The following NPNT variants were observed in gnomAD, a reference collection of about 807,000 sequenced individuals.
The protein encoded by NPNT is preosteoblast EGF-like repeat protein with MAM domain.
A neutral mutation model predicts 68.6 loss-of-function variants in NPNT; 45 were observed. The observed-to-expected ratio is 0.66, with a 90% CI of 0.52 to 0.84. NPNT has a LOEUF of 0.84. Among genes scored for constraint, NPNT ranks in the 40% least tolerant of loss-of-function variants. The pLI is 0.00. For synonymous variants in NPNT, 233 were observed against 253.3 expected (o/e 0.92, Z 0.76); for missense variants, 672 against 714.8 (o/e 0.94, Z 0.68).
chr4:105,938,198 T>C (rs915848578), intron 4 of NPNT, 103 bp from the exon 5 acceptor site: 1 of 1,095,832 alleles, frequency 9.1e-7, no homozygotes, highest in Non-Finnish European at 1.3e-6. Context: ...GTCTTCATTG[T>C]TGTTCAGTGT....
intron 10 of NPNT, among the ~76,000 whole-genome samples, chr4:105,963,650 A>C (rs1050877859): frequency 6.6e-6 from 1 of 151,748 alleles, no homozygotes; most frequent in African/African-American, 2.4e-5. Context: ...GCTAGAACTA[A>C]GGCCCTTTTC....
intron 3 of NPNT, chr4:105,932,769 T>C: frequency 3.6e-6 from 4 of 1,112,346 alleles, no homozygotes; most frequent in Non-Finnish European, 5.2e-6. Context: ...GTTATGTCAC[T>C]TCTTGCAAAT....
intron 2 of NPNT, among the ~76,000 whole-genome samples, chr4:105,920,395 TAAAAA>T (rs11355483): frequency 2.5e-5 from 2 of 79,502 alleles, no homozygotes; most frequent in Admixed American, 1.3e-4. Context: ...GTTACTCTAC[TAAAAA>T]AAAAAAAAAA....
At chr4:105,951,275 T>G (rs143566169) in intron 8 of NPNT, among the ~76,000 whole-genome samples, 1,672 of 152,326 alleles carry the variant, frequency 0.011, 14 homozygotes, top group Non-Finnish European at 0.015. Context: ...CAGGTGCTCT[T>G]ATGAGTGGCC....
At chr4:105,964,576 A>G (rs1012900899) in intron 10 of NPNT, among the ~76,000 whole-genome samples, 1 of 152,198 alleles carries the variant, frequency 6.6e-6, no homozygotes, top group South Asian at 2.1e-4. Flanking sequence ...TGCCAATCTT[A>G]TAGGTTAAAA....
intron 3 of NPNT, 104 bp from the exon 4 acceptor site, chr4:105,936,905 A>T: frequency 9.0e-7 from 1 of 1,108,114 alleles, no homozygotes; most frequent in Non-Finnish European, 1.3e-6. Flanking sequence ...CTGTAGCTTG[A>T]CCTATTTTTC....
intron 2 of NPNT, among the ~76,000 whole-genome samples, chr4:105,901,019 A>G (rs1173997884): frequency 6.6e-6 from 1 of 152,112 alleles, no homozygotes; most frequent in Non-Finnish European, 1.5e-5. Flanking sequence ...ATGATTGCAT[A>G]TTTGCAGCAC....
intron 10 of NPNT, 93 bp from the exon 11 acceptor site, chr4:105,967,095 G>GAA (rs371424664): frequency 0.014 from 13,743 of 1,010,498 alleles, 6 homozygotes; most frequent in African/African-American, 0.018. Flanking sequence ...ACAAAGAAAA[G>GAA]AAAAAAAAAA....
chr4:105,929,809 CT>C (rs1728971916), intron 3 of NPNT, among the ~76,000 whole-genome samples: 1 of 152,170 alleles, frequency 6.6e-6, no homozygotes, highest in African/African-American at 2.4e-5. Flanking sequence ...CTTTAACATG[CT>C]TTAAAGACAT....
rs1220209995 is a variant in NPNT, at chr4:105,931,456, C to T, written c.265+4028C>T. 2.0e-5 allele frequency among the ~76,000 whole-genome samples: 3 copies of T among 151,992 alleles called. No individual in the cohort carries two copies. In the East Asian group the frequency reaches 5.8e-4, roughly 29 times the overall value. On this transcript the variant is annotated intron_variant, in intron 3 of 11. Transcript: ENST00000379987. ...ACTAGTTACATCTGAAAGTTGACTGCTTTGCTAAGCACAAAAATCTAAGGG... is the reference window on the plus strand; with the variant it reads ...ACTAGTTACATCTGAAAGTTGACTGTTTTGCTAAGCACAAAAATCTAAGGG...
chr4:105,937,588 T>G (rs1729592732), intron 4 of NPNT, among the ~76,000 whole-genome samples: 1 of 152,096 alleles, frequency 6.6e-6, no homozygotes, highest in Non-Finnish European at 1.5e-5. Flanking sequence ...GCCTTTAGGC[T>G]TTTATAGAAT....
chr4:105,956,885 G>A (rs1287988361), intron 8 of NPNT, among the ~76,000 whole-genome samples: 3 of 151,906 alleles, frequency 2.0e-5, no homozygotes, highest in Non-Finnish European at 4.4e-5. Context: ...AGAGGGGAAG[G>A]GACTTCACTG....
At chr4:105,951,314 G>A (rs1730819749) in intron 8 of NPNT, among the ~76,000 whole-genome samples, 1 of 152,188 alleles carries the variant, frequency 6.6e-6, no homozygotes, top group Non-Finnish European at 1.5e-5. Context: ...CATTGTTGCT[G>A]TTATTACGCA....
intron 2 of NPNT, chr4:105,912,128 G>C (rs1727417271): frequency 8.3e-7 from 1 of 1,206,150 alleles, no homozygotes; most frequent in African/African-American, 1.5e-5. Flanking sequence ...AAATACCCAA[G>C]TCCAGCCTCC....
At chr4:105,949,134 C>A (rs1207691050) in intron 8 of NPNT, among the ~76,000 whole-genome samples, 1 of 152,066 alleles carries the variant, frequency 6.6e-6, no homozygotes, top group Admixed American at 6.6e-5. Flanking sequence ...TTAAAAAGTT[C>A]TTAGGTCAAA....
At chr4:105,933,195 G>A (rs1729251750) in intron 3 of NPNT, among the ~76,000 whole-genome samples, 1 of 152,140 alleles carries the variant, frequency 6.6e-6, no homozygotes, top group Non-Finnish European at 1.5e-5. Flanking sequence ...AGAGCACTTA[G>A]TTGCTATTTG....
At chr4:105,951,866 G>A (rs910778907) in intron 8 of NPNT, among the ~76,000 whole-genome samples, 3 of 152,108 alleles carry the variant, frequency 2.0e-5, no homozygotes, top group Admixed American at 6.5e-5. Context: ...TGTCAATAGA[G>A]TTATAATTTA....
At chr4:105,899,051 C>T (rs1726190078) in intron 2 of NPNT, among the ~76,000 whole-genome samples, 2 of 152,210 alleles carry the variant, frequency 1.3e-5, no homozygotes, top group South Asian at 4.1e-4. Context: ...AGATGGGTTG[C>T]TAGTGTGAGG....
chr4:105,922,878 T>C (rs1184908712), intron 2 of NPNT, among the ~76,000 whole-genome samples: 3 of 152,186 alleles, frequency 2.0e-5, no homozygotes, highest in Non-Finnish European at 2.9e-5. Flanking sequence ...CTGTGATTTT[T>C]ACCTGGACTT....
Sources: gnomAD v4.1 joint callset for allele counts (sites outside exome capture counted in the v4.1 genomes callset) on GRCh38, gnomAD v4.1.1 for gene constraint, MANE v1.5 for transcripts, NCBI Gene and HGNC (gene_info 2026-07-23, HGNC 2026-07-21) for gene names.